Variants in LIMK1 observed in about 807,000 individuals in gnomAD.
LIMK1 encodes LIM domain kinase 1.
LIMK1 carries 21 observed loss-of-function variants against 77.6 expected under a neutral mutation model. That is an observed-to-expected ratio of 0.27 (90% CI 0.19 to 0.39). The LOEUF is 0.39. LIMK1 is among the 10% of genes least tolerant of loss of function. LIMK1 has a pLI of 1.00. For missense variants in LIMK1, 696 were observed against 901.6 expected, an observed-to-expected ratio of 0.77 and a Z score of 2.92; for synonymous variants, 358 against 370.0, an observed-to-expected ratio of 0.97 and a Z score of 0.37.
chr7:74,111,316 T>C, intron 10 of LIMK1: 1 of 305,694 alleles, frequency 3.3e-6, no homozygotes, highest in Non-Finnish European at 6.3e-6. Flanking sequence ...CGCATGCCCA[T>C]AGTCCCAGCT....
intron 2 of LIMK1, among the ~76,000 whole-genome samples, chr7:74,086,819 C>G (rs564454586): frequency 3.9e-5 from 6 of 152,264 alleles, no homozygotes; most frequent in Middle Eastern, 3.4e-3. Flanking sequence ...CATGCTCTTG[C>G]AGGGAGGGAA....
At chr7:74,090,509 C>A (rs1799216765) in intron 2 of LIMK1, among the ~76,000 whole-genome samples, 1 of 152,196 alleles carries the variant, frequency 6.6e-6, no homozygotes, top group Non-Finnish European at 1.5e-5. Context: ...GTGAGCAGAG[C>A]AGCTCAGAGG....
At chr7:74,111,582 C>A in intron 10 of LIMK1, 66 bp from the exon 11 acceptor site, 1 of 1,351,972 alleles carries the variant, frequency 7.4e-7, no homozygotes, top group Non-Finnish European at 1.0e-6. Context: ...GCCTCTGTCT[C>A]ATGCAACCAT....
At chr7:74,089,507 AAAGAAAGAAAGG>A (rs1329107873) in intron 2 of LIMK1, among the ~76,000 whole-genome samples, 16 of 150,556 alleles carry the variant, frequency 1.1e-4, no homozygotes, top group Non-Finnish European at 2.2e-4. Context: ...ATCTCAAAAA[AAAGAAAGAAAGG>A]AAGAAAGAAA....
intron 12 of LIMK1, 29 bp from the exon 13 acceptor site, chr7:74,115,772 TC>T: frequency 1.2e-6 from 2 of 1,609,052 alleles, no homozygotes; most frequent in Admixed American, 3.3e-5. Flanking sequence ...TAGGATCGGG[TC>T]CCAGCATGAC....
chr7:74,108,782 A>T (rs1799636590), intron 9 of LIMK1, 123 bp from the exon 10 acceptor site: 1 of 1,449,940 alleles, frequency 6.9e-7, no homozygotes, highest in East Asian at 2.5e-5. Flanking sequence ...AGGAGAGGGG[A>T]GCTGGGGGTT....
Position 74,116,209 on chromosome 7 carries a change from C to CT in LIMK1, c.1567+251_1567+252insT, listed in dbSNP as rs1297838335. ...AGTAGTTGGAGACCAGCCTAGCCAA[C>CT]ATGGTGAAACCCCCATTCTTTACTA... On this transcript the variant is annotated intron_variant, in intron 13 of 15. Transcript: ENST00000336180. 5.3e-5 allele frequency among the ~76,000 whole-genome samples: 8 copies of CT among 152,296 alleles called. No homozygotes were observed. In the East Asian group the frequency reaches 1.3e-3, roughly 26 times the overall value.
intron 2 of LIMK1, among the ~76,000 whole-genome samples, chr7:74,095,349 C>G (rs545078409): frequency 9.2e-4 from 140 of 152,328 alleles, no homozygotes; most frequent in Non-Finnish European, 1.6e-3. Context: ...CATGCCCCCC[C>G]ACAGCAGGAC....
At chr7:74,091,648 A>T (rs1405635183) in intron 2 of LIMK1, among the ~76,000 whole-genome samples, 1 of 152,240 alleles carries the variant, frequency 6.6e-6, no homozygotes, top group Non-Finnish European at 1.5e-5. Context: ...GTGTAACCAC[A>T]GCTTAGTCCC....
chr7:74,113,254 G>C (rs1799739669), intron 12 of LIMK1, among the ~76,000 whole-genome samples: 1 of 152,024 alleles, frequency 6.6e-6, no homozygotes, highest in Non-Finnish European at 1.5e-5. Flanking sequence ...AGCCTGGGAG[G>C]TAGAGGTTGC....
At chr7:74,109,324 C>T (rs1268467084) in intron 10 of LIMK1, 2 of 405,828 alleles carry the variant, frequency 4.9e-6, no homozygotes, top group Non-Finnish European at 9.4e-6. Flanking sequence ...CTCACCACTG[C>T]ACTCCAGCCT....
intron 10 of LIMK1, chr7:74,109,951 G>C (rs1415765262): frequency 1.3e-5 from 2 of 152,226 alleles, no homozygotes; most frequent in African/African-American, 4.8e-5. Context: ...GAGACCATGG[G>C]ATCTTCCTCA....
chr7:74,096,444 T>G (rs1292172130), intron 2 of LIMK1, among the ~76,000 whole-genome samples, 178 bp from the exon 3 acceptor site: 1 of 152,014 alleles, frequency 6.6e-6, no homozygotes, highest in Non-Finnish European at 1.5e-5. Flanking sequence ...GAGGTTGCAG[T>G]GAGCCGAGAT....
chr7:74,106,662 A>G (rs544236230), intron 7 of LIMK1, among the ~76,000 whole-genome samples: 1 of 152,274 alleles, frequency 6.6e-6, no homozygotes, highest in Admixed American at 6.5e-5. Flanking sequence ...CAGGAGGCTG[A>G]GGCAGATGAA....
chr7:74,100,370 C>T (rs561265969), intron 5 of LIMK1, among the ~76,000 whole-genome samples: 46 of 152,216 alleles, frequency 3.0e-4, no homozygotes, highest in Admixed American at 1.8e-3. Flanking sequence ...ATTTCTGTGG[C>T]GCCTTTATTG....
chr7:74,106,388 T>G (rs1799575230), intron 7 of LIMK1, 145 bp downstream of exon 7: 4 of 817,726 alleles, frequency 4.9e-6, no homozygotes, highest in Non-Finnish European at 7.8e-6. Flanking sequence ...TAAGCTGTCA[T>G]CACACCACTG....
intron 2 of LIMK1, among the ~76,000 whole-genome samples, chr7:74,091,568 CA>C (rs1428844022): frequency 6.6e-6 from 1 of 152,140 alleles, no homozygotes; most frequent in African/African-American, 2.4e-5. Context: ...AGTCACTTGC[CA>C]AAAGTCTCAC....
At chr7:74,087,119 G>C (rs1554694174) in intron 2 of LIMK1, among the ~76,000 whole-genome samples, 1 of 152,148 alleles carries the variant, frequency 6.6e-6, no homozygotes, top group East Asian at 1.9e-4. Context: ...AAGTAGAGTG[G>C]AGGTGGGGCG....
intron 9 of LIMK1, among the ~76,000 whole-genome samples, chr7:74,108,254 C>G (rs1799622551): frequency 6.6e-6 from 1 of 151,908 alleles, no homozygotes; most frequent in Non-Finnish European, 1.5e-5. Flanking sequence ...GGGAGGCTCG[C>G]TTGAGCCCAG....
Sources: allele counts gnomAD v4.1 joint callset (sites outside exome capture counted in the v4.1 genomes callset), GRCh38; gene constraint gnomAD v4.1.1; transcripts MANE v1.5; gene names NCBI Gene and HGNC (gene_info 2026-07-23, HGNC 2026-07-21).